ARFGEF1: variants seen among roughly 807,000 people sequenced by gnomAD.
ARFGEF1 encodes brefeldin A-inhibited guanine nucleotide-exchange protein 1.
A neutral mutation model predicts 231.0 loss-of-function variants in ARFGEF1; 42 were observed. The observed-to-expected ratio is 0.18, with a 90% confidence interval of 0.14 to 0.24. The LOEUF is 0.24. Among genes scored for constraint, ARFGEF1 ranks in the 10% least tolerant of loss-of-function variants. The pLI is 1.00. For missense variants in ARFGEF1, 1,345 were observed against 2,192.0 expected (o/e 0.61, Z 7.72); for synonymous variants, 710 against 732.3 (o/e 0.97, Z 0.49).
chr8:67,331,039 TA>T (rs1808075547), intron 1 of ARFGEF1, among the ~76,000 whole-genome samples: 2 of 152,062 alleles, frequency 1.3e-5, no homozygotes, highest in South Asian at 4.1e-4. Context: ...ATCCTTAAGT[TA>T]TTTGGAAAAA....
intron 14 of ARFGEF1, among the ~76,000 whole-genome samples, chr8:67,262,300 A>T (rs560022790): frequency 1.4e-3 from 220 of 152,308 alleles, no homozygotes; most frequent in African/African-American, 5.0e-3. Flanking sequence ...TAAAAGTAAC[A>T]AGAGACTTAG....
Position 67,276,034 on chromosome 8 carries a change from A to C in ARFGEF1, c.1279T>G (p.Phe427Val), listed in dbSNP as rs772208540. 6.2e-7 allele frequency: 1 copy of C among 1,613,578 alleles called. No homozygotes were observed. Among genetic ancestry groups the C allele is most frequent in the Non-Finnish European group, 8.5e-7 (1 of 1,179,584 alleles). The change falls in exon 9 of 39, where the codon TTC (phenylalanine) becomes GTC (valine). Residue 427 changes from phenylalanine (F) to valine (V), a missense_variant. Phe to Val is a conservative substitution (Grantham distance 50). Transcript: ENST00000262215. ...ATTGACAGTTTACACAATGACCTGA[A>C]TACTAGAAAGGCATCCTTTTGTAAA... ...HILQKDAFLV[F>V]RSLCKLSMKP...
At chr8:67,282,524 A>T (rs1805576999) in intron 7 of ARFGEF1, among the ~76,000 whole-genome samples, 3 of 151,990 alleles carry the variant, frequency 2.0e-5, no homozygotes, top group African/African-American at 4.8e-5. Flanking sequence ...AATCTTAAAA[A>T]TTTTTTTTGT....
chr8:67,307,435 A>G (rs1308643505), intron 1 of ARFGEF1, among the ~76,000 whole-genome samples: 2 of 152,224 alleles, frequency 1.3e-5, no homozygotes, highest in Non-Finnish European at 2.9e-5. Flanking sequence ...GCTGGTGACA[A>G]CAGGGATGAG....
rs115471585 is a variant in ARFGEF1, at chr8:67,223,111, C to T, written c.4208+1792G>A. Among the ~76,000 whole-genome samples, 937 of 152,280 alleles carry T rather than the reference C, an allele frequency of 6.2e-3. 10 individuals carry two copies. The highest frequency in any genetic ancestry group is 0.021 in the African/African-American group (871 of 41,556). On this transcript the variant is annotated intron_variant, in intron 29 of 38. Transcript: ENST00000262215. ...TGACTATATTTGGGACTTTAATTTTCGGTATTTATCCCCAAATCTAGAGAA... is the reference window on the plus strand; with the variant it reads ...TGACTATATTTGGGACTTTAATTTTTGGTATTTATCCCCAAATCTAGAGAA...
chr8:67,331,715 G>C (rs1214956201), intron 1 of ARFGEF1, among the ~76,000 whole-genome samples: 2 of 151,770 alleles, frequency 1.3e-5, no homozygotes, highest in Admixed American at 6.6e-5. Context: ...TTATGTCTTT[G>C]TTTTTCACTC....
chr8:67,183,460 C>T (rs911089404), intron 5 of ARFGEF1, among the ~76,000 whole-genome samples: 2 of 152,028 alleles, frequency 1.3e-5, no homozygotes, highest in Non-Finnish European at 2.9e-5. Context: ...CCCCAGACCA[C>T]AATGGAAATA....
chr8:67,308,791 A>G (rs1477838885), intron 1 of ARFGEF1, among the ~76,000 whole-genome samples: 1 of 152,106 alleles, frequency 6.6e-6, no homozygotes, highest in African/African-American at 2.4e-5. Flanking sequence ...TAATGGACAC[A>G]TATTAATTGT....
intron 34 of ARFGEF1, 105 bp from the exon 35 acceptor site, chr8:67,204,924 C>T (rs1838457541): frequency 3.7e-6 from 5 of 1,347,558 alleles, no homozygotes; most frequent in Non-Finnish European, 4.1e-6. Flanking sequence ...TATGTATTCA[C>T]ATATCACACT....
chr8:67,314,817 T>G (rs1168027960), intron 1 of ARFGEF1, among the ~76,000 whole-genome samples: 1 of 151,756 alleles, frequency 6.6e-6, no homozygotes, highest in Non-Finnish European at 1.5e-5. Context: ...CCCAAAATCT[T>G]TGAGCCCAGG....
At chr8:67,249,873 C>G (rs1023881271) in intron 19 of ARFGEF1, among the ~76,000 whole-genome samples, 5 of 152,300 alleles carry the variant, frequency 3.3e-5, no homozygotes, top group African/African-American at 1.2e-4. Context: ...CCACCCACCT[C>G]GGCCTCCCGA....
At chr8:67,211,644 G>A in intron 33 of ARFGEF1, 29 bp from the exon 34 acceptor site, 4 of 1,328,078 alleles carry the variant, frequency 3.0e-6, no homozygotes, top group Non-Finnish European at 4.0e-6. Context: ...ATCACTGTAA[G>A]TATGGTTAAT....
intron 5 of ARFGEF1, chr8:67,190,526 C>T (rs1586922312): frequency 1.4e-6 from 1 of 698,222 alleles, no homozygotes; most frequent in East Asian, 2.6e-5. Flanking sequence ...TGTGTATGTA[C>T]ATACATTGAG....
At chr8:67,251,705 T>C (rs1381357289) in intron 18 of ARFGEF1, among the ~76,000 whole-genome samples, 1 of 152,198 alleles carries the variant, frequency 6.6e-6, no homozygotes, top group Non-Finnish European at 1.5e-5. Flanking sequence ...TTGATGAGTT[T>C]GGAGTTTCAT....
intron 1 of ARFGEF1, among the ~76,000 whole-genome samples, chr8:67,302,839 C>G (rs903671169): frequency 9.4e-5 from 14 of 148,850 alleles, no homozygotes; most frequent in African/African-American, 3.5e-4. Flanking sequence ...CTTTGGGAGG[C>G]CAACGCAGGA....
In ARFGEF1 at chr8:67,211,368, A is replaced by AAAAG. The variant is rs1176673836; in HGVS notation, c.4819+114_4819+115insCTTT. 1,295 of 596,918 alleles carry AAAAG rather than the reference A, an allele frequency of 2.2e-3. 23 individuals are homozygous for AAAAG. The African/African-American group carries it at 0.025, about 12-fold the overall frequency. The allele number at this position is 596,918 out of a possible 1,614,324, so 37.0% of individuals were successfully genotyped here. On this transcript the variant is annotated intron_variant, in intron 34 of 38. Transcript: ENST00000262215. ...CTCAAAAAAAAAAAAAAAAAAAAGAAGTGATGACACAATCAATTATAGTAT... is the reference window on the plus strand; with the variant it reads ...CTCAAAAAAAAAAAAAAAAAAAAGAAAAAGGTGATGACACAATCAATTATAGTAT...
At chr8:67,239,051 G>A (rs1839852856) in intron 20 of ARFGEF1, among the ~76,000 whole-genome samples, 158 bp from the exon 21 acceptor site, 1 of 151,542 alleles carries the variant, frequency 6.6e-6, no homozygotes, top group Admixed American at 6.6e-5. Context: ...CTGTCGCCCA[G>A]GCTGGGGTTC....
In ARFGEF1 at chr8:67,296,531, T is replaced by G; in HGVS notation, c.539A>C (p.Asn180Thr). 1 of 1,614,078 alleles carries G rather than the reference T, an allele frequency of 6.2e-7. No homozygotes were observed. Among genetic ancestry groups the G allele is most frequent in the Non-Finnish European group, 8.5e-7 (1 of 1,179,974 alleles). Reference protein sequence around the residue: ...TVLQAVRTCYNIYLASKNLIN... With the variant: ...TVLQAVRTCYTIYLASKNLIN... ...GAGATTTTTGCTTGCTAAGTAGATATTGTAACATGTTCTCACAGCTTGCAG... is the reference window on the plus strand; with the variant it reads ...GAGATTTTTGCTTGCTAAGTAGATAGTGTAACATGTTCTCACAGCTTGCAG... The change falls in exon 5 of 39, where the codon AAT becomes ACT. Residue 180 changes from asparagine to threonine, a missense_variant. Coordinates refer to ENST00000262215, the MANE Select transcript of ARFGEF1 (RefSeq NM_006421.5).
intron 14 of ARFGEF1, among the ~76,000 whole-genome samples, chr8:67,262,636 C>G (rs1176432004): frequency 6.6e-6 from 1 of 152,200 alleles, no homozygotes; most frequent in Non-Finnish European, 1.5e-5. Flanking sequence ...AAAAAGTTTA[C>G]TGCTGTCTTA....
Sources: allele counts gnomAD v4.1 joint callset (sites outside exome capture counted in the v4.1 genomes callset), GRCh38; gene constraint gnomAD v4.1.1; transcripts MANE v1.5; gene names NCBI Gene and HGNC (gene_info 2026-07-23, HGNC 2026-07-21).